Variants in PANK2 observed in about 807,000 individuals in gnomAD.
PANK2 encodes the protein pantothenate kinase 2.
In PANK2, 36 loss-of-function variants were observed where a neutral mutation model predicts 43.1. That is an observed-to-expected ratio of 0.84 (90% CI 0.64 to 1.10). PANK2 has a LOEUF of 1.10. Ranked by LOEUF, PANK2 falls within the 50% of genes least tolerant of loss-of-function variation. The pLI is 0.00. For missense variants in PANK2, 576 were observed against 593.3 expected (o/e 0.97, Z 0.30); for synonymous variants, 281 against 238.2 (o/e 1.18, Z -1.66).
upstream of PANK2, chr20:3,889,099 G>A (rs2090062920): frequency 1.3e-6 from 2 of 1,541,044 alleles, no homozygotes; most frequent in South Asian, 1.2e-5. Context: ...AGGAGGGGGT[G>A]GATGAGGAGG....
chr20:3,914,360 C>T (rs2146880195), intron 4 of PANK2, among the ~76,000 whole-genome samples: 1 of 151,902 alleles, frequency 6.6e-6, no homozygotes, highest in Non-Finnish European at 1.5e-5. Context: ...CTGTTGCCCA[C>T]ATGAGAGTGC....
intron 1 of PANK2, among the ~76,000 whole-genome samples, chr20:3,898,475 T>C (rs1222641852): frequency 1.3e-5 from 2 of 152,106 alleles, no homozygotes; most frequent in African/African-American, 2.4e-5. Context: ...GCTGGGATTA[T>C]AGGCATGAGC....
intron 6 of PANK2, among the ~76,000 whole-genome samples, chr20:3,922,237 C>G (rs1283013293): frequency 6.6e-6 from 1 of 152,198 alleles, no homozygotes; most frequent in African/African-American, 2.4e-5. Flanking sequence ...GTTGGAGACC[C>G]TGATGGATTC....
chr20:3,915,066 C>T (rs1159798187), intron 4 of PANK2, among the ~76,000 whole-genome samples: 2 of 151,924 alleles, frequency 1.3e-5, no homozygotes, highest in Non-Finnish European at 2.9e-5. Flanking sequence ...ATGTTTTGTC[C>T]CATTTTGTTA....
At chr20:3,892,850 C>G (rs1600488826) in intron 1 of PANK2, among the ~76,000 whole-genome samples, 1 of 152,184 alleles carries the variant, frequency 6.6e-6, no homozygotes, top group Non-Finnish European at 1.5e-5. Flanking sequence ...AGTTCCCAAA[C>G]CGGCCCTTGT....
At position 3,918,626 on chromosome 20, in the gene PANK2, T is replaced by C. The variant is rs199781593; in HGVS notation, c.1207-45T>C. On this transcript the variant is annotated intron_variant, in intron 5 of 6. Coordinates refer to ENST00000610179, the MANE Select transcript of PANK2 (RefSeq NM_001386393.1). ...ATTTGGGGTAGCTTTTATGAGAAAATAGAAATTAAGATGAAAACTAATTGC... is the reference window on the plus strand; with the variant it reads ...ATTTGGGGTAGCTTTTATGAGAAAACAGAAATTAAGATGAAAACTAATTGC... 39 of 1,613,180 alleles carry C rather than the reference T, an allele frequency of 2.4e-5. No homozygotes were observed. The East Asian group carries it at 7.8e-4, about 32-fold the overall frequency.
chr20:3,889,312 C>T, upstream of PANK2: 3 of 1,597,344 alleles, frequency 1.9e-6, no homozygotes, highest in South Asian at 2.3e-5. Context: ...GCCTTTGGGC[C>T]GTCCCCAGCC....
chr20:3,910,701 C>G lies in PANK2; in HGVS notation c.776C>G (p.Ser259Cys), dbSNP rs1002956783. 2 of 1,614,024 alleles carry G rather than the reference C, an allele frequency of 1.2e-6. No individual in the cohort carries two copies. Among genetic ancestry groups the G allele is most frequent in the East Asian group, 2.2e-5 (1 of 44,878 alleles). ...TATTACTTTGAAAACCCTGCTGATT[C>G]TGAAAAGTGTCAGAAGTTACCATTT... is the stretch of plus-strand genomic sequence containing the variant. Residue 259 changes from serine to cysteine, a missense_variant, in exon 3 of 7, where the codon TCT becomes TGT. Physicochemically the swap from Ser to Cys is moderately radical, Grantham distance 112. Coordinates refer to ENST00000610179, the MANE Select transcript of PANK2 (RefSeq NM_001386393.1).
chr20:3,906,658 T>TA lies in PANK2; in HGVS notation c.299-1260dup, dbSNP rs533056068. Among the ~76,000 whole-genome samples, 259 of 151,638 alleles carry TA rather than the reference T, an allele frequency of 1.7e-3. 2 individuals are homozygous for TA. Among genetic ancestry groups the TA allele is most frequent in the Middle Eastern group, 3.4e-3 (1 of 294 alleles). Reference sequence around the variant, plus strand: ...AATTTATTGAATACTGTACTAAAAATAAAAAAAACAATAAATACTTGAAGT... The same window carrying TA: ...AATTTATTGAATACTGTACTAAAAATAAAAAAAAACAATAAATACTTGAAGT... On this transcript the variant is annotated intron_variant, in intron 1 of 6. Coordinates refer to ENST00000610179, the MANE Select transcript of PANK2 (RefSeq NM_001386393.1).
rs375649773 is a variant in PANK2 at position 3,929,748 on chromosome 20, TAGAA to T, written c.*6457_*6460del. The T allele has an allele frequency of 4.6e-3, 708 of 152,358 alleles. 1 individual carries two copies. Among genetic ancestry groups the T allele is most frequent in the Middle Eastern group, 0.01 (3 of 294 alleles). 9.4% of individuals were successfully genotyped at this position (152,358 alleles called of 1,614,324 possible). ...CTGATCTTGAGCATCCTGTCGCAGATAGAAAGTCAATCAGAAAAATCTGGTTGTG... is the reference window on the plus strand; with the variant it reads ...CTGATCTTGAGCATCCTGTCGCAGATAGTCAATCAGAAAAATCTGGTTGTG... On this transcript the variant is annotated 3_prime_UTR_variant, in exon 7 of 7. Transcript: ENST00000610179.
chr20:3,928,243 A>G lies in PANK2; in HGVS notation c.*4949A>G, dbSNP rs2090756582. On this transcript the variant is annotated 3_prime_UTR_variant, in exon 7 of 7. Transcript: ENST00000610179. Reference sequence around the variant, plus strand: ...GCCAGAAGAGTGGATGTGATAGAGAATTTTTTCTCAAGTTTTGGGTTAGGG... The same window carrying G: ...GCCAGAAGAGTGGATGTGATAGAGAGTTTTTTCTCAAGTTTTGGGTTAGGG... 6.6e-6 allele frequency: 1 copy of G among 152,084 alleles called. No homozygotes were observed. The highest frequency in any genetic ancestry group is 6.5e-5 in the Admixed American group (1 of 15,274). The allele number at this position is 152,084 out of a possible 1,614,324, so 9.4% of individuals were successfully genotyped here. A position where few individuals can be genotyped will look rare whatever the true frequency, so the allele number is the denominator to read the frequency against.
At chr20:3,919,864 A>G (rs1475003242) in intron 6 of PANK2, among the ~76,000 whole-genome samples, 1 of 152,254 alleles carries the variant, frequency 6.6e-6, no homozygotes, top group African/African-American at 2.4e-5. Context: ...TTGAAGTGCT[A>G]GAGATTACTT....
In PANK2 at chr20:3,889,738, C is replaced by T. The variant is rs755815669; in HGVS notation, c.298+10C>T. On this transcript the variant is annotated intron_variant, in intron 1 of 6. Coordinates refer to ENST00000610179, the MANE Select transcript of PANK2 (RefSeq NM_001386393.1). ...AGGAAAAAGCGGCCGCGTAAGTGTT[C>T]CGTGGGGCGCCCTCCCGGCCCGCCC... 8 of 1,594,384 alleles carry T rather than the reference C, an allele frequency of 5.0e-6. No individual in the cohort carries two copies. Among genetic ancestry groups the T allele is most frequent in the East Asian group, 2.2e-5 (1 of 44,772 alleles).
At chr20:3,889,121 C>A (rs1430366292), upstream of PANK2, 7 of 1,551,986 alleles carry the variant, frequency 4.5e-6, no homozygotes, top group Non-Finnish European at 6.1e-6. Flanking sequence ...TCGGGCCCTT[C>A]CACCCACGCG....
chr20:3,892,083 C>T (rs565492525), intron 1 of PANK2, among the ~76,000 whole-genome samples: 1 of 152,310 alleles, frequency 6.6e-6, no homozygotes, highest in South Asian at 2.1e-4. Flanking sequence ...TGCCTGTAAT[C>T]CCAGCACTTT....
chr20:3,895,716 CT>C (rs1225621743), intron 1 of PANK2, among the ~76,000 whole-genome samples: 1 of 152,002 alleles, frequency 6.6e-6, no homozygotes, highest in Non-Finnish European at 1.5e-5. Flanking sequence ...GATGTGAAAA[CT>C]TTTCTAAATT....
upstream of PANK2, chr20:3,888,858 C>A (rs1380145985): frequency 1.0e-5 from 5 of 481,136 alleles, no homozygotes; most frequent in Non-Finnish European, 1.9e-5. Context: ...GAGGGGCTGG[C>A]GGCCTCGACG....
chr20:3,893,931 G>T (rs28399007), intron 1 of PANK2, among the ~76,000 whole-genome samples: 6,060 of 73,006 alleles, frequency 0.083, 396 homozygotes, highest in African/African-American at 0.16. Flanking sequence ...TTTGTTTTTT[G>T]TTTTTTTTTT....
At chr20:3,891,799 G>C (rs1433012651) in intron 1 of PANK2, among the ~76,000 whole-genome samples, 1 of 152,194 alleles carries the variant, frequency 6.6e-6, no homozygotes, top group Non-Finnish European at 1.5e-5. Context: ...TGGGTGGGGA[G>C]AATTATATTA....
Sources: gnomAD v4.1 joint callset for allele counts (sites outside exome capture counted in the v4.1 genomes callset) on GRCh38, gnomAD v4.1.1 for gene constraint, MANE v1.5 for transcripts, NCBI Gene and HGNC (gene_info 2026-07-23, HGNC 2026-07-21) for gene names.